PLA2G4C: variants seen among roughly 807,000 people sequenced by gnomAD.
PLA2G4C encodes the protein phospholipase A2 group IVC.
A neutral mutation model predicts 73.8 loss-of-function variants in PLA2G4C; 64 were observed. The ratio of observed to expected loss-of-function variants is 0.87; its 90% CI spans 0.71 to 1.07. The LOEUF (loss-of-function observed/expected upper bound fraction) is 1.07, where lower values mean the gene tolerates loss of function less well. Ranked by LOEUF, PLA2G4C falls within the 50% of genes least tolerant of loss-of-function variation. The pLI, the probability that PLA2G4C is intolerant of heterozygous loss-of-function variation, is 0.00. For missense variants in PLA2G4C, 622 were observed against 665.4 expected (o/e 0.93, Z 0.72); for synonymous variants, 254 against 252.1 (o/e 1.01, Z -0.07).
intron 12 of PLA2G4C, among the ~76,000 whole-genome samples, chr19:48,070,764 C>T (rs953065664): frequency 1.3e-5 from 2 of 152,116 alleles, no homozygotes; most frequent in Non-Finnish European, 2.9e-5. Context: ...GGAGGGAAAA[C>T]ATCAGGGTAA....
At chr19:48,054,482 TG>T (rs199870346) in intron 15 of PLA2G4C, among the ~76,000 whole-genome samples, 2,634 of 141,238 alleles carry the variant, frequency 0.019, 56 homozygotes, top group African/African-American at 0.047. Flanking sequence ...TATTTTTTTT[TG>T]TTGTTGTATT....
rs71181645 is a variant in PLA2G4C, at chr19:48,084,040, TTGTGTGTGTGTGTG to T, written c.844+1005_844+1018del. On this transcript the variant is annotated intron_variant, in intron 10 of 16. Transcript: ENST00000599921. ...GATGAACAGGTAACGAATGCCAATT[TTGTGTGTGTGTGTG>T]TGTGTGTGTGTGTGTGTGTGTGTGT... 6.5e-5 allele frequency among the ~76,000 whole-genome samples: 9 copies of T among 139,130 alleles called. No individual in the cohort carries two copies. The East Asian group carries it at 8.8e-4, about 14-fold the overall frequency. 91.3% of individuals were successfully genotyped at this position (139,130 alleles called of 152,430 possible).
Position 48,098,238 on chromosome 19 carries a change from T to C in PLA2G4C, c.469A>G (p.Asn157Asp), listed in dbSNP as rs1170634893. The C allele has an allele frequency of 1.2e-6, 2 of 1,612,720 alleles. No homozygotes were observed. The highest frequency in any genetic ancestry group is 1.3e-5 in the African/African-American group (1 of 74,848). ...TRELPESHLS[N>D]MKKPVEEGTL... is the part of the protein sequence containing the mutation. ...CCTTCTTCCACGGGCTTCTTCATAT[T>C]GGACAAATGAGACTCCGGCAGCTTT... The change falls in exon 6 of 17, where the codon AAT (asparagine) becomes GAT (aspartate). Residue 157 changes from asparagine to aspartate, a missense_variant. By Grantham distance (23) the Asn-to-Asp change is conservative. Coordinates refer to ENST00000599921, the MANE Select transcript of PLA2G4C (RefSeq NM_003706.3).
At chr19:48,097,383 G>C (rs182469722) in intron 6 of PLA2G4C, among the ~76,000 whole-genome samples, 1 of 148,498 alleles carries the variant, frequency 6.7e-6, no homozygotes, top group Non-Finnish European at 1.5e-5. Flanking sequence ...CTCCCGAGCA[G>C]CTGGGACTAC....
intron 10 of PLA2G4C, 86 bp downstream of exon 10, chr19:48,084,973 T>C: frequency 1.0e-6 from 1 of 963,276 alleles, no homozygotes; most frequent in East Asian, 2.4e-5. Flanking sequence ...ACAGGCCTCT[T>C]TTCTGCCACA....
intron 15 of PLA2G4C, among the ~76,000 whole-genome samples, chr19:48,053,414 G>C (rs7250660): frequency 0.58 from 81,328 of 140,480 alleles, 24,379 homozygotes; most frequent in East Asian, 0.83. Flanking sequence ...TTGTCTCCCA[G>C]GCTGGAGTCC....
chr19:48,049,080 G>A (rs968370720), intron 16 of PLA2G4C, among the ~76,000 whole-genome samples: 1 of 152,096 alleles, frequency 6.6e-6, no homozygotes, highest in Non-Finnish European at 1.5e-5. Flanking sequence ...GATGCTCTCT[G>A]AAGCCTTCAC....
intron 12 of PLA2G4C, among the ~76,000 whole-genome samples, chr19:48,068,483 G>A (rs1213800666): frequency 6.6e-6 from 1 of 151,806 alleles, no homozygotes. Context: ...AGAAGTTTGA[G>A]ACCAGCTTGG....
chr19:48,047,936 C>G lies in PLA2G4C; in HGVS notation c.*407G>C. On this transcript the variant is annotated 3_prime_UTR_variant, in exon 17 of 17. Coordinates refer to ENST00000599921, the MANE Select transcript of PLA2G4C (RefSeq NM_003706.3). The stretch of plus-strand genomic sequence containing the variant: ...GGAGAGATAGCCCATGATTTAAGCC[C>G]AAGTTCTTACTTCTACAGAGCTAAC... 5.2e-6 allele frequency: 1 copy of G among 192,576 alleles called. No homozygotes were observed. Among genetic ancestry groups the G allele is most frequent in the Non-Finnish European group, 1.0e-5 (1 of 95,442 alleles). 11.9% of individuals were successfully genotyped at this position (192,576 alleles called of 1,614,324 possible).
chr19:48,074,753 AC>A lies in PLA2G4C; in HGVS notation c.1006+13del. On this transcript the variant is annotated intron_variant, in intron 12 of 16. Coordinates refer to ENST00000599921, the MANE Select transcript of PLA2G4C (RefSeq NM_003706.3). ...ACTTACTGTTGATGACACTTATCAC[AC>A]TACACATGGTACCTTTCCTTTCGGG... 6.4e-7 allele frequency: 1 copy of A among 1,570,178 alleles called. No individual in the cohort carries two copies. Among genetic ancestry groups the A allele is most frequent in the Non-Finnish European group, 8.8e-7 (1 of 1,140,104 alleles).
chr19:48,106,358 G>T (rs896904677), intron 2 of PLA2G4C, among the ~76,000 whole-genome samples, 164 bp downstream of exon 2: 1 of 152,176 alleles, frequency 6.6e-6, no homozygotes, highest in Non-Finnish European at 1.5e-5. Context: ...CACCAAAAGT[G>T]CTGGGGTTAC....
intron 7 of PLA2G4C, among the ~76,000 whole-genome samples, chr19:48,091,492 T>C (rs2031293872): frequency 6.6e-6 from 1 of 151,928 alleles, no homozygotes; most frequent in Non-Finnish European, 1.5e-5. Context: ...TCAGTCTGTC[T>C]TTTTCTTTTG....
chr19:48,058,067 G>A (rs887505608), intron 14 of PLA2G4C, among the ~76,000 whole-genome samples: 1 of 151,828 alleles, frequency 6.6e-6, no homozygotes, highest in Non-Finnish European at 1.5e-5. Flanking sequence ...GGGAGGCTGA[G>A]GTGGGCAGAT....
chr19:48,058,426 C>A (rs1195205772), intron 14 of PLA2G4C, among the ~76,000 whole-genome samples: 1 of 152,080 alleles, frequency 6.6e-6, no homozygotes, highest in Non-Finnish European at 1.5e-5. Flanking sequence ...GAGTGAGCCA[C>A]CGTACCCAGC....
chr19:48,077,595 A>G (rs1003771128), intron 11 of PLA2G4C, among the ~76,000 whole-genome samples, 176 bp downstream of exon 11: 3 of 152,192 alleles, frequency 2.0e-5, no homozygotes, highest in African/African-American at 7.2e-5. Context: ...TTGAACTCCG[A>G]TCCTGCCCCT....
At position 48,059,715 on chromosome 19, in the gene PLA2G4C, C is replaced by T. The variant is rs116085534; in HGVS notation, c.1257+2283G>A. Among the ~76,000 whole-genome samples, 1,047 of 151,544 alleles carry T rather than the reference C, an allele frequency of 6.9e-3. 14 individuals are homozygous for T. The highest frequency in any genetic ancestry group is 0.024 in the African/African-American group (1,003 of 41,226). On this transcript the variant is annotated intron_variant, in intron 14 of 16. Coordinates refer to ENST00000599921, the MANE Select transcript of PLA2G4C (RefSeq NM_003706.3). ...ACTTACACCAGTGGCTCGCCAGGGG[C>T]TCTACGGCCTTTGGCTACAGACTGA...
chr19:48,071,447 C>A (rs906654984), intron 12 of PLA2G4C, among the ~76,000 whole-genome samples: 1 of 152,074 alleles, frequency 6.6e-6, no homozygotes, highest in Non-Finnish European at 1.5e-5. Flanking sequence ...TGTGCCACCA[C>A]GCCCGGCGAA....
intron 6 of PLA2G4C, 78 bp downstream of exon 6, chr19:48,098,061 G>C: frequency 6.7e-7 from 1 of 1,493,192 alleles, no homozygotes; most frequent in Non-Finnish European, 9.1e-7. Context: ...CAAGGGGAGG[G>C]CAGGGAAACA....
Position 48,051,494 on chromosome 19 carries a change from G to A in PLA2G4C, c.1580+1503C>T, listed in dbSNP as rs188844806. ...TAGTTGCAAAACCGCAATTACTTTT[G>A]CACCAACCTAATACAGTCATGGTGG... On this transcript the variant is annotated intron_variant, in intron 16 of 16. Transcript: ENST00000599921. Among the ~76,000 whole-genome samples the A allele has an allele frequency of 2.9e-3, 437 of 152,238 alleles. 3 individuals carry two copies. Among genetic ancestry groups the A allele is most frequent in the Admixed American group, 3.0e-3 (46 of 15,272 alleles).
Sources: gnomAD v4.1 joint callset for allele counts (sites outside exome capture counted in the v4.1 genomes callset) on GRCh38, gnomAD v4.1.1 for gene constraint, MANE v1.5 for transcripts, NCBI Gene and HGNC (gene_info 2026-07-23, HGNC 2026-07-21) for gene names.